The following SHLD1 variants were observed in gnomAD, a reference collection of about 807,000 sequenced individuals.
SHLD1 encodes RINN1-REV7-interacting novel NHEJ regulator 3.
Under a neutral mutation model 5.5 loss-of-function variants are expected in SHLD1, and 3 were observed. The ratio of observed to expected loss-of-function variants is 0.54; its 90% CI spans 0.25 to 1.40. The LOEUF (loss-of-function observed/expected upper bound fraction) is 1.40. Among genes scored for constraint, SHLD1 ranks in the 40% most tolerant of loss-of-function variants. The probability of loss-of-function intolerance (pLI) is 0.15; values close to 1 mark genes in which losing one functional copy is unlikely to be tolerated. For synonymous variants in SHLD1, 92 were observed against 94.3 expected (o/e 0.98, Z 0.14); for missense variants, 210 against 244.4 (o/e 0.86, Z 0.94).
chr20:5,795,505 A>G (rs1201867678), intron 2 of SHLD1, among the ~76,000 whole-genome samples: 1 of 150,540 alleles, frequency 6.6e-6, no homozygotes, highest in Non-Finnish European at 1.5e-5. Flanking sequence ...AGGCTGAGGC[A>G]GGAGAATTGC....
chr20:5,833,417 C>G (rs1335730490), intron 2 of SHLD1, among the ~76,000 whole-genome samples: 1 of 152,180 alleles, frequency 6.6e-6, no homozygotes, highest in Non-Finnish European at 1.5e-5. Context: ...AAAATCACTC[C>G]TGCAACCCTG....
At chr20:5,837,449 C>T (rs550601749) in intron 2 of SHLD1, among the ~76,000 whole-genome samples, 45 of 152,262 alleles carry the variant, frequency 3.0e-4, no homozygotes, top group African/African-American at 1.1e-3. Flanking sequence ...CTTCCTGATG[C>T]TCTCCCTCCC....
Position 5,754,317 on chromosome 20 carries a change from C to T in SHLD1, c.-5+3838C>T, listed in dbSNP as rs183734834. On this transcript the variant is annotated intron_variant, in intron 1 of 2. Transcript: ENST00000303142. ...GTAGAGTCGGGTTTTCACCATGTTG[C>T]GCAGGCTGGTCTTGAACTCCTGGGC... Among the ~76,000 whole-genome samples, 97 of 152,042 alleles carry T rather than the reference C, an allele frequency of 6.4e-4. 2 individuals carry two copies. In the South Asian group the frequency reaches 0.015, roughly 23 times the overall value.
chr20:5,841,170 AGTGTGTGTGTGTGTGTGT>A (rs11469039), intron 2 of SHLD1, among the ~76,000 whole-genome samples: 1 of 146,310 alleles, frequency 6.8e-6, no homozygotes, highest in African/African-American at 2.5e-5. Flanking sequence ...GAAAATAGCG[AGTGTGTGTGTGTGTGTGT>A]GTGTGTGTGT....
chr20:5,809,655 A>G (rs1028465280), intron 2 of SHLD1, among the ~76,000 whole-genome samples: 6 of 151,866 alleles, frequency 4.0e-5, no homozygotes, highest in African/African-American at 1.5e-4. Flanking sequence ...TTTCCTCTAC[A>G]CCATTGGTTC....
At chr20:5,778,604 C>CAAAA (rs59026745) in intron 2 of SHLD1, among the ~76,000 whole-genome samples, 9 of 96,704 alleles carry the variant, frequency 9.3e-5, no homozygotes, top group African/African-American at 3.0e-4. Context: ...AAGACCTTGT[C>CAAAA]AAAAAAAAAA....
chr20:5,798,820 G>A (rs1411573195), intron 2 of SHLD1, among the ~76,000 whole-genome samples: 8 of 151,460 alleles, frequency 5.3e-5, no homozygotes, highest in Admixed American at 1.3e-4. Flanking sequence ...GGGTTTCACC[G>A]GGTTAGCCAG....
intron 1 of SHLD1, among the ~76,000 whole-genome samples, chr20:5,766,050 A>G (rs757673625): frequency 6.6e-6 from 1 of 152,144 alleles, no homozygotes; most frequent in Non-Finnish European, 1.5e-5. Flanking sequence ...CATTCATTTC[A>G]TATTGCTGAT....
chr20:5,862,362 C>A (rs975233652), intron 2 of SHLD1, among the ~76,000 whole-genome samples: 1 of 152,236 alleles, frequency 6.6e-6, no homozygotes. Flanking sequence ...GCCATGGTGC[C>A]CAGCTGAGGA....
chr20:5,837,141 T>C (rs1368634400), intron 2 of SHLD1, among the ~76,000 whole-genome samples: 1 of 152,142 alleles, frequency 6.6e-6, no homozygotes, highest in Non-Finnish European at 1.5e-5. Context: ...TGAGGAGCTA[T>C]CGCAACAGGC....
Position 5,772,921 on chromosome 20 carries a change from A to C in SHLD1, c.56A>C (p.Asp19Ala), listed in dbSNP as rs1600106568. The change falls in exon 2 of 3, where the codon GAC (aspartate) becomes GCC (alanine). Residue 19 changes from aspartate to alanine, a missense_variant. Asp to Ala is a moderately radical substitution (Grantham distance 126). Coordinates refer to ENST00000303142, the MANE Select transcript of SHLD1 (RefSeq NM_152504.4). ...GSLSEESSAL[D>A]LPSACDIRDY... ...CTGTCAGAGGAGAGCAGTGCTTTGG[A>C]CCTGCCATCAGCGTGTGACATAAGA... 1 of 1,614,060 alleles carries C rather than the reference A, an allele frequency of 6.2e-7. No homozygotes were observed.
At chr20:5,782,877 A>G (rs533955569) in intron 2 of SHLD1, among the ~76,000 whole-genome samples, 4 of 152,244 alleles carry the variant, frequency 2.6e-5, no homozygotes, top group Non-Finnish European at 5.9e-5. Context: ...TAAAATTTAT[A>G]TACTAGTTGT....
chr20:5,808,544 A>G (rs1419764653), intron 2 of SHLD1, among the ~76,000 whole-genome samples: 1 of 152,206 alleles, frequency 6.6e-6, no homozygotes, highest in East Asian at 1.9e-4. Flanking sequence ...ATGTTGGTAC[A>G]TGTAGCTCTC....
At chr20:5,783,223 TTTGTTG>T (rs370000931) in intron 2 of SHLD1, among the ~76,000 whole-genome samples, 2 of 152,044 alleles carry the variant, frequency 1.3e-5, no homozygotes, top group African/African-American at 4.8e-5. Flanking sequence ...ATTTGGGGTT[TTTGTTG>T]TTGTTGTTGT....
intron 1 of SHLD1, among the ~76,000 whole-genome samples, chr20:5,766,463 G>A (rs948722023): frequency 3.9e-5 from 6 of 152,126 alleles, no homozygotes; most frequent in Admixed American, 3.3e-4. Flanking sequence ...TTGCCTAATC[G>A]CATGGTAGTT....
intron 2 of SHLD1, among the ~76,000 whole-genome samples, chr20:5,821,172 A>T (rs563934853): frequency 3.7e-4 from 56 of 152,350 alleles, no homozygotes; most frequent in African/African-American, 1.3e-3. Flanking sequence ...ATTGCCTGGA[A>T]GTCTGTGACC....
intron 2 of SHLD1, among the ~76,000 whole-genome samples, chr20:5,830,586 G>A (rs1227349990): frequency 6.6e-6 from 1 of 152,046 alleles, no homozygotes; most frequent in Non-Finnish European, 1.5e-5. Flanking sequence ...TACTCAGGAG[G>A]CTGAGGCAGG....
intron 2 of SHLD1, among the ~76,000 whole-genome samples, chr20:5,831,436 A>G (rs1600163197): frequency 6.6e-6 from 1 of 152,248 alleles, no homozygotes; most frequent in East Asian, 1.9e-4. Context: ...TACGTATTTT[A>G]TTTCTTTTGA....
At chr20:5,757,714 T>C (rs1984198793) in intron 1 of SHLD1, among the ~76,000 whole-genome samples, 1 of 152,164 alleles carries the variant, frequency 6.6e-6, no homozygotes, top group South Asian at 2.1e-4. Flanking sequence ...GCAATTCTCC[T>C]GCCTCAGCCC....
Sources: gnomAD v4.1 joint callset for allele counts (sites outside exome capture counted in the v4.1 genomes callset) on GRCh38, gnomAD v4.1.1 for gene constraint, MANE v1.5 for transcripts, NCBI Gene and HGNC (gene_info 2026-07-23, HGNC 2026-07-21) for gene names.